SPESP1: variants seen among roughly 807,000 people sequenced by gnomAD.
SPESP1 encodes sperm equatorial segment protein 1.
A neutral mutation model predicts 3.1 loss-of-function variants in SPESP1; 1 was observed. The ratio of observed to expected loss-of-function variants is 0.33; its 90% CI spans 0.12 to 1.54. The LOEUF (loss-of-function observed/expected upper bound fraction) is 1.54, where lower values mean the gene tolerates loss of function less well. Ranked by LOEUF, SPESP1 falls within the 40% of genes most tolerant of loss-of-function variation. The pLI is 0.38. For missense variants in SPESP1, 398 were observed against 410.1 expected, an observed-to-expected ratio of 0.97 and a Z score of 0.26; for synonymous variants, 138 against 150.7, an observed-to-expected ratio of 0.92 and a Z score of 0.62.
In SPESP1 at chr15:68,945,827, C is replaced by G; in HGVS notation, c.293C>G (p.Thr98Ser). ...TTAACCAATCCTATCAGTGAAGAAACTACAACTTTCCCTACAGGAGGCTTC... is the reference window on the plus strand; with the variant it reads ...TTAACCAATCCTATCAGTGAAGAAAGTACAACTTTCCCTACAGGAGGCTTC... ...DVLTNPISEE[T>S]TTFPTGGFTP... is the part of the protein sequence containing the mutation. Residue 98 changes from threonine to serine, a missense_variant, in exon 2 of 2, where the codon ACT (threonine) becomes AGT (serine). Physicochemically the swap from Thr to Ser is moderately conservative, Grantham distance 58. Transcript: ENST00000310673. The G allele has an allele frequency of 6.2e-7, 1 of 1,613,880 alleles. No homozygotes were observed. The highest frequency in any genetic ancestry group is 8.5e-7 in the Non-Finnish European group (1 of 1,180,004).
At chr15:68,934,829 A>T (rs1895643320) in intron 1 of SPESP1, among the ~76,000 whole-genome samples, 1 of 152,040 alleles carries the variant, frequency 6.6e-6, no homozygotes. Flanking sequence ...ATTTAACCTA[A>T]GTATAGTTTT....
intron 1 of SPESP1, among the ~76,000 whole-genome samples, chr15:68,940,467 T>C (rs1036340231): frequency 6.6e-6 from 1 of 152,186 alleles, no homozygotes; most frequent in African/African-American, 2.4e-5. Flanking sequence ...TTTCTGATTG[T>C]CTTTCTCTTT....
At position 68,945,972 on chromosome 15, in the gene SPESP1, G is replaced by GCCAGAT; in HGVS notation, c.443_444insTCCAGA (p.Pro147_Glu148insAspPro). 1 of 1,614,142 alleles carries GCCAGAT rather than the reference G, an allele frequency of 6.2e-7. No individual in the cohort carries two copies. Among genetic ancestry groups the GCCAGAT allele is most frequent in the Non-Finnish European group, 8.5e-7 (1 of 1,180,018 alleles). ...CTTATATTGAAAATGAAGAGCCAGA[G>GCCAGAT]CCAGAGCCGGAGCCAGCTGCAAAAC... On this transcript the variant is annotated inframe_insertion, in exon 2 of 2. Coordinates refer to ENST00000310673, the MANE Select transcript of SPESP1 (RefSeq NM_145658.4).
chr15:68,944,311 CTTT>C (rs75390989), intron 1 of SPESP1, among the ~76,000 whole-genome samples: 8 of 131,316 alleles, frequency 6.1e-5, no homozygotes, highest in Non-Finnish European at 6.6e-5. Context: ...ATAGAACTAC[CTTT>C]TTTTTTTTTT....
chr15:68,930,529 C>G lies in SPESP1; in HGVS notation c.-125C>G, dbSNP rs1895499870. The stretch of plus-strand genomic sequence containing the variant: ...GCTTGCGCGCTGGGGACAACCGTTG[C>G]TGGGTGTCCCAGGGCCTGAGGCAGG... On this transcript the variant is annotated 5_prime_UTR_variant, in exon 1 of 2. Coordinates refer to ENST00000310673, the MANE Select transcript of SPESP1 (RefSeq NM_145658.4). 1.5e-6 allele frequency: 2 copies of G among 1,325,094 alleles called. No homozygotes were observed. The highest frequency in any genetic ancestry group is 2.5e-5 in the South Asian group (2 of 79,226). 82.1% of individuals were successfully genotyped at this position (1,325,094 alleles called of 1,614,324 possible). A position where few individuals can be genotyped will look rare whatever the true frequency, so the allele number is the denominator to read the frequency against.
At chr15:68,940,975 A>G (rs1044855269) in intron 1 of SPESP1, among the ~76,000 whole-genome samples, 4 of 151,892 alleles carry the variant, frequency 2.6e-5, no homozygotes, top group Admixed American at 6.6e-5. Context: ...TCCATATGCA[A>G]TTGGGTCTAT....
intron 1 of SPESP1, among the ~76,000 whole-genome samples, chr15:68,942,966 T>C (rs1287863911): frequency 6.6e-6 from 1 of 152,148 alleles, no homozygotes; most frequent in African/African-American, 2.4e-5. Context: ...CTTTTTAAAA[T>C]GTGATTTTTA....
At chr15:68,936,228 A>G (rs959437935) in intron 1 of SPESP1, among the ~76,000 whole-genome samples, 2 of 152,240 alleles carry the variant, frequency 1.3e-5, no homozygotes, top group African/African-American at 4.8e-5. Context: ...ATTGTAATAA[A>G]AATCCTAGTT....
At chr15:68,932,724 A>C (rs1388566405) in intron 1 of SPESP1, among the ~76,000 whole-genome samples, 1 of 152,060 alleles carries the variant, frequency 6.6e-6, no homozygotes, top group Non-Finnish European at 1.5e-5. Flanking sequence ...CCTATTCCCT[A>C]ATCTTTCTTG....
intron 1 of SPESP1, 118 bp downstream of exon 1, chr15:68,930,835 A>C (rs1595713824): frequency 1.3e-6 from 2 of 1,493,492 alleles, no homozygotes; most frequent in Non-Finnish European, 1.8e-6. Flanking sequence ...TCCCTCCCCC[A>C]CTGTCCGGGG....
At position 68,936,053 on chromosome 15, in the gene SPESP1, G is replaced by T. The variant is rs141075115; in HGVS notation, c.64+5336G>T. On this transcript the variant is annotated intron_variant, in intron 1 of 1. Coordinates refer to ENST00000310673, the MANE Select transcript of SPESP1 (RefSeq NM_145658.4). ...AATAAGGGAAGTTTATTCTTTATGA[G>T]TCCACTTCATGGTATGTATAGAAAA... 1.1e-3 allele frequency among the ~76,000 whole-genome samples: 168 copies of T among 152,246 alleles called. 1 individual carries two copies. Among genetic ancestry groups the T allele is most frequent in the African/African-American group, 3.9e-3 (161 of 41,542 alleles).
intron 1 of SPESP1, among the ~76,000 whole-genome samples, chr15:68,934,878 C>T (rs1895644667): frequency 6.6e-6 from 1 of 151,908 alleles, no homozygotes; most frequent in African/African-American, 2.4e-5. Context: ...CCATTTGGAG[C>T]CATTGTAAGC....
chr15:68,932,580 C>T (rs544789680), intron 1 of SPESP1, among the ~76,000 whole-genome samples: 24 of 152,038 alleles, frequency 1.6e-4, no homozygotes, highest in Non-Finnish European at 1.9e-4. Flanking sequence ...CTAGTAGAGA[C>T]GGGGTTTCAC....
chr15:68,943,003 T>C (rs1189399311), intron 1 of SPESP1, among the ~76,000 whole-genome samples: 1 of 152,002 alleles, frequency 6.6e-6, no homozygotes, highest in Non-Finnish European at 1.5e-5. Context: ...CATTAAAAAA[T>C]AAAGGAGAAA....
chr15:68,941,170 G>GA (rs1369473923), intron 1 of SPESP1, among the ~76,000 whole-genome samples: 1 of 151,800 alleles, frequency 6.6e-6, no homozygotes, highest in African/African-American at 2.4e-5. Flanking sequence ...TCTAACTCCA[G>GA]AAAAAAATTG....
chr15:68,946,427 CTG>C lies in SPESP1; in HGVS notation c.895_896del (p.Val299TyrfsTer2), dbSNP rs1413357543. On this transcript the variant is annotated frameshift_variant, in exon 2 of 2. Transcript: ENST00000310673. LOFTEE classifies it low-confidence loss of function (END_TRUNC). ...AGTAATAAAATTGATGACATCGAAA[CTG>C]TTATTAACATGCTGTGTAATTCTAG... 6.2e-7 allele frequency: 1 copy of C among 1,614,014 alleles called. No homozygotes were observed. The highest frequency in any genetic ancestry group is 1.7e-5 in the Admixed American group (1 of 60,004).
chr15:68,942,165 A>C (rs1001930216), intron 1 of SPESP1, among the ~76,000 whole-genome samples: 10 of 133,744 alleles, frequency 7.5e-5, no homozygotes, highest in Non-Finnish European at 1.3e-4. Context: ...ACAACATCTT[A>C]TTTCTTTTTT....
chr15:68,934,701 ATTAAAC>A (rs1401883591), intron 1 of SPESP1, among the ~76,000 whole-genome samples: 1 of 152,220 alleles, frequency 6.6e-6, no homozygotes, highest in Non-Finnish European at 1.5e-5. Context: ...TATATGTGAA[ATTAAAC>A]TTAAGCAACA....
In SPESP1 at chr15:68,946,356, A is replaced by C. The variant is rs200735917; in HGVS notation, c.822A>C (p.Lys274Asn). The change falls in exon 2 of 2, where the codon AAA (lysine) becomes AAC (asparagine). Residue 274 changes from lysine (K) to asparagine (N), a missense_variant. By Grantham distance (94) the Lys-to-Asn change is moderately conservative. Coordinates refer to ENST00000310673, the MANE Select transcript of SPESP1 (RefSeq NM_145658.4). ...SLALAAAAEH[K>N]LKTMYKSQLL... ...CTCTAGCAGCAGCAGCAGAACATAA[A>C]TTAAAAACAATGTATAAGTCCCAGT... is the stretch of plus-strand genomic sequence containing the variant. 44 of 1,614,218 alleles carry C rather than the reference A, an allele frequency of 2.7e-5. No homozygotes were observed. Among genetic ancestry groups the C allele is most frequent in the Non-Finnish European group, 3.5e-5 (41 of 1,180,042 alleles).
Sources: gnomAD v4.1 joint callset for allele counts (sites outside exome capture counted in the v4.1 genomes callset) on GRCh38, gnomAD v4.1.1 for gene constraint, MANE v1.5 for transcripts, NCBI Gene and HGNC (gene_info 2026-07-23, HGNC 2026-07-21) for gene names.